Variants in POPDC1 observed in about 807,000 individuals in gnomAD.
The protein encoded by POPDC1 is popeye domain-containing protein 1.
the POPDC1 span, among the ~76,000 whole-genome samples, chr6:105,131,216 A>G: frequency 5.3e-4 from 81 of 152,300 alleles, 1 homozygote; most frequent in South Asian, 0.015. Context: ...GATTTGATGC[A>G]CCTGAATAAA....
chr6:105,125,266 C>T, the POPDC1 span: 2 of 1,177,078 alleles, frequency 1.7e-6, no homozygotes, highest in Non-Finnish European at 1.2e-6. Flanking sequence ...AAAATTCCAC[C>T]AACAACAAAC....
the POPDC1 span, among the ~76,000 whole-genome samples, chr6:105,122,911 T>A: frequency 6.6e-6 from 1 of 152,334 alleles, no homozygotes; most frequent in South Asian, 2.1e-4. Context: ...AGTGAATCTA[T>A]ATGCAACCTT....
chr6:105,103,463 T>C, the POPDC1 span, among the ~76,000 whole-genome samples: 1 of 151,856 alleles, frequency 6.6e-6, no homozygotes, highest in Non-Finnish European at 1.5e-5. Context: ...GTGGCAAAAT[T>C]GTCTTTAAAA....
chr6:105,129,497 G>T, the POPDC1 span: 2 of 1,605,924 alleles, frequency 1.2e-6, no homozygotes, highest in Non-Finnish European at 1.7e-6. Flanking sequence ...GATATAAAGG[G>T]TACATCCTGT....
At chr6:105,101,445 G>T in the POPDC1 span, among the ~76,000 whole-genome samples, 1 of 152,158 alleles carries the variant, frequency 6.6e-6, no homozygotes, top group Non-Finnish European at 1.5e-5. Context: ...AGATTCCACC[G>T]CATGTGCTTG....
chr6:105,128,706 C>A, the POPDC1 span, among the ~76,000 whole-genome samples: 1 of 152,122 alleles, frequency 6.6e-6, no homozygotes, highest in Non-Finnish European at 1.5e-5. Flanking sequence ...TAGTTTTCTA[C>A]ATGCAAATCT....
At chr6:105,127,351 T>C in the POPDC1 span, among the ~76,000 whole-genome samples, 1 of 152,200 alleles carries the variant, frequency 6.6e-6, no homozygotes, top group Admixed American at 6.5e-5. Flanking sequence ...ATTCAGAAAA[T>C]GCAATCATTA....
chr6:105,101,548 T>C, the POPDC1 span, among the ~76,000 whole-genome samples: 1 of 152,186 alleles, frequency 6.6e-6, no homozygotes, highest in East Asian at 1.9e-4. Context: ...ATTAATATCA[T>C]ACATGGGGGC....
At chr6:105,119,175 A>T in the POPDC1 span, among the ~76,000 whole-genome samples, 1 of 96,006 alleles carries the variant, frequency 1.0e-5, no homozygotes, top group South Asian at 4.1e-4. Context: ...ACAGAGTGAG[A>T]CTCCCTCTCA....
the POPDC1 span, among the ~76,000 whole-genome samples, chr6:105,118,672 C>A: frequency 6.6e-6 from 1 of 152,088 alleles, no homozygotes; most frequent in Non-Finnish European, 1.5e-5. Flanking sequence ...GGAAAGTGGT[C>A]GAGAATGACT....
chr6:105,121,482 G>A, the POPDC1 span, among the ~76,000 whole-genome samples: 1 of 151,976 alleles, frequency 6.6e-6, no homozygotes, highest in Non-Finnish European at 1.5e-5. Flanking sequence ...TGGCCAGGCT[G>A]GTTTCAAACT....
chr6:105,107,877 G>A, the POPDC1 span, among the ~76,000 whole-genome samples: 1 of 151,908 alleles, frequency 6.6e-6, no homozygotes, highest in South Asian at 2.1e-4. Context: ...TTTAATTGAG[G>A]AAACTGAGTT....
chr6:105,117,001 G>T, the POPDC1 span: 1 of 886,350 alleles, frequency 1.1e-6, no homozygotes, highest in Non-Finnish European at 1.7e-6. Context: ...TAAAAAAAAG[G>T]AGACTCAATG....
the POPDC1 span, among the ~76,000 whole-genome samples, chr6:105,120,350 T>C: frequency 7.2e-5 from 11 of 152,084 alleles, no homozygotes; most frequent in Non-Finnish European, 1.2e-4. Flanking sequence ...CTGAGGTCAT[T>C]TTACTTGATT....
At chr6:105,101,015 A>G in the POPDC1 span, 1 of 1,507,366 alleles carries the variant, frequency 6.6e-7, no homozygotes, top group East Asian at 2.3e-5. Flanking sequence ...CCTAAAAGCC[A>G]TGAAAAAGTG....
chr6:105,114,047 A>G, the POPDC1 span, among the ~76,000 whole-genome samples: 53 of 152,294 alleles, frequency 3.5e-4, no homozygotes. Flanking sequence ...TTAAAAGGAA[A>G]ACAACATGCT....
At chr6:105,135,197 C>T in the POPDC1 span, among the ~76,000 whole-genome samples, 137 of 152,300 alleles carry the variant, frequency 9.0e-4, no homozygotes, top group African/African-American at 3.1e-3. Context: ...CAAGGCCTAG[C>T]CTCTGTAGAG....
At chr6:105,101,982 C>T in the POPDC1 span, among the ~76,000 whole-genome samples, 1 of 152,164 alleles carries the variant, frequency 6.6e-6, no homozygotes, top group Non-Finnish European at 1.5e-5. Context: ...GAGTAGAAGT[C>T]ATTATCAAAA....
At chr6:105,112,583 G>C in the POPDC1 span, among the ~76,000 whole-genome samples, 2 of 152,100 alleles carry the variant, frequency 1.3e-5, no homozygotes, top group Admixed American at 6.6e-5. Flanking sequence ...ATAAGAATAA[G>C]GCAAAAATTT....
Sources: gnomAD v4.1 joint callset for allele counts (sites outside exome capture counted in the v4.1 genomes callset) on GRCh38, gnomAD v4.1.1 for gene constraint, MANE v1.5 for transcripts, NCBI Gene and HGNC (gene_info 2026-07-23, HGNC 2026-07-21) for gene names.